MYO16: variants seen among roughly 807,000 people sequenced by gnomAD.
The protein encoded by MYO16 is unconventional myosin-XVI.
In MYO16, 94 loss-of-function variants were observed where a neutral mutation model predicts 205.3. The ratio of observed to expected loss-of-function variants is 0.46; its 90% CI spans 0.39 to 0.54. The LOEUF is 0.54. MYO16 is among the 20% of genes least tolerant of loss of function. MYO16 has a pLI of 0.00. For missense variants in MYO16, 2,315 were observed against 2,387.5 expected (o/e 0.97, Z 0.63); for synonymous variants, 988 against 954.0 (o/e 1.04, Z -0.66).
rs566374980 is a variant in MYO16 at position 108,773,106 on chromosome 13, C to T, written c.508-12529C>T. 9.9e-5 allele frequency among the ~76,000 whole-genome samples: 15 copies of T among 152,210 alleles called. No individual in the cohort carries two copies. In the South Asian group the frequency reaches 2.9e-3, roughly 30 times the overall value. On this transcript the variant is annotated intron_variant, in intron 4 of 34. Transcript: ENST00000457511. ...TACATGGTAGAAAAGGCGAGGGAGC[C>T]GTTTAGGGTCTCTTTTATAAAGGCA... is the stretch of plus-strand genomic sequence containing the variant.
intron 1 of MYO16, among the ~76,000 whole-genome samples, chr13:108,599,825 G>A (rs1156433786): frequency 3.3e-5 from 5 of 152,102 alleles, no homozygotes; most frequent in Admixed American, 6.6e-5. Context: ...GAGAGAGTTC[G>A]GACATGAAAT....
intron 1 of MYO16, among the ~76,000 whole-genome samples, chr13:108,649,433 T>C (rs764437521): frequency 1.3e-5 from 2 of 152,116 alleles, no homozygotes; most frequent in Non-Finnish European, 2.9e-5. Flanking sequence ...GTGACAGATA[T>C]GAGGTGCTTC....
chr13:108,928,116 C>A (rs1882091340), intron 16 of MYO16, among the ~76,000 whole-genome samples: 1 of 152,162 alleles, frequency 6.6e-6, no homozygotes, highest in African/African-American at 2.4e-5. Flanking sequence ...TGGGGCTTTT[C>A]TCCTTTCTCT....
chr13:108,498,432 C>T, the MYO16 span, among the ~76,000 whole-genome samples: 49 of 152,198 alleles, frequency 3.2e-4, no homozygotes, highest in South Asian at 1.2e-3. Context: ...ATTACTTTCT[C>T]CTGAGAAAAG....
At chr13:109,021,000 C>T (rs941368105) in intron 23 of MYO16, among the ~76,000 whole-genome samples, 4 of 151,998 alleles carry the variant, frequency 2.6e-5, no homozygotes, top group South Asian at 2.1e-4. Flanking sequence ...GTATATATTA[C>T]GATAGGGAAG....
intron 2 of MYO16, among the ~76,000 whole-genome samples, chr13:108,674,745 A>G (rs1012530840): frequency 6.6e-6 from 1 of 152,174 alleles, no homozygotes; most frequent in Non-Finnish European, 1.5e-5. Context: ...TATTTCTCCA[A>G]CTCAAAATTA....
At chr13:108,974,097 C>T (rs1218064134) in intron 20 of MYO16, among the ~76,000 whole-genome samples, 1 of 152,146 alleles carries the variant, frequency 6.6e-6, no homozygotes, top group African/African-American at 2.4e-5. Context: ...GGCTTACGTT[C>T]TCATTTCCTA....
chr13:108,759,214 C>T (rs1296120715), intron 4 of MYO16, among the ~76,000 whole-genome samples: 1 of 151,838 alleles, frequency 6.6e-6, no homozygotes, highest in Admixed American at 6.6e-5. Flanking sequence ...ACTTTAAGAA[C>T]TGTATAACTA....
At chr13:109,132,898 G>A (rs1446049659) in intron 31 of MYO16, among the ~76,000 whole-genome samples, 1 of 152,156 alleles carries the variant, frequency 6.6e-6, no homozygotes, top group African/African-American at 2.4e-5. Flanking sequence ...AATTATAGGG[G>A]AAGCACAACC....
intron 34 of MYO16, among the ~76,000 whole-genome samples, chr13:109,192,203 T>C (rs1468696874): frequency 1.3e-5 from 2 of 152,222 alleles, no homozygotes; most frequent in East Asian, 1.9e-4. Flanking sequence ...AGCTGTGATA[T>C]TGGAAAGAAG....
intron 20 of MYO16, among the ~76,000 whole-genome samples, chr13:108,968,378 C>T (rs111565141): frequency 0.012 from 1,842 of 152,202 alleles, 35 homozygotes; most frequent in African/African-American, 0.043. Context: ...GGGAGGCCAA[C>T]GCGGGTGGAT....
In MYO16 at chr13:109,139,419, T is replaced by G. The variant is rs1028061040; in HGVS notation, c.4052-845T>G. Among the ~76,000 whole-genome samples the G allele has an allele frequency of 2.0e-5, 3 of 152,284 alleles. No homozygotes were observed. The East Asian group carries it at 5.8e-4, about 29-fold the overall frequency. On this transcript the variant is annotated intron_variant, in intron 31 of 34. Transcript: ENST00000457511. ...CTGTTAGGTCCTAAGAATCCACACC[T>G]AAGTGTGTTCCACCACCTGATCCCT...
intron 1 of MYO16, among the ~76,000 whole-genome samples, chr13:108,658,472 T>C (rs1392530661): frequency 2.0e-5 from 3 of 150,608 alleles, no homozygotes; most frequent in Non-Finnish European, 4.4e-5. Context: ...TCTAAATTCA[T>C]GTGCCAGATA....
intron 2 of MYO16, among the ~76,000 whole-genome samples, chr13:108,670,361 AGGATGGTTTTTAAT>A (rs1159956262): frequency 1.3e-5 from 2 of 152,188 alleles, no homozygotes; most frequent in Admixed American, 6.5e-5. Flanking sequence ...ATATGGGGCC[AGGATGGTTTTTAAT>A]GGTGCCTAGG....
chr13:108,655,743 G>A (rs566700839), intron 1 of MYO16, among the ~76,000 whole-genome samples: 22 of 152,278 alleles, frequency 1.4e-4, no homozygotes, highest in Admixed American at 1.4e-3. Flanking sequence ...CCTACCTCTT[G>A]CATCAATGTG....
the MYO16 span, among the ~76,000 whole-genome samples, chr13:108,548,017 G>A: frequency 3.9e-5 from 6 of 152,228 alleles, no homozygotes; most frequent in East Asian, 1.9e-4. Context: ...AATACAAGGT[G>A]TTGGGAAAGT....
At chr13:109,166,891 A>G (rs994391050) in intron 33 of MYO16, 1 of 152,250 alleles carries the variant, frequency 6.6e-6, no homozygotes, top group Non-Finnish European at 1.5e-5. Context: ...TGGGCCAGGA[A>G]GCTGTGTGTG....
chr13:108,670,962 G>C (rs1372515686), intron 2 of MYO16, among the ~76,000 whole-genome samples: 1 of 152,186 alleles, frequency 6.6e-6, no homozygotes, highest in East Asian at 1.9e-4. Flanking sequence ...AAATGGATAA[G>C]TGTATTATGT....
At chr13:109,035,902 A>G (rs1886699594) in intron 23 of MYO16, among the ~76,000 whole-genome samples, 1 of 152,190 alleles carries the variant, frequency 6.6e-6, no homozygotes, top group South Asian at 2.1e-4. Flanking sequence ...TTTCTCTCCA[A>G]TAAATAATGA....
Sources: allele counts gnomAD v4.1 joint callset (sites outside exome capture counted in the v4.1 genomes callset), GRCh38; gene constraint gnomAD v4.1.1; transcripts MANE v1.5; gene names NCBI Gene and HGNC (gene_info 2026-07-23, HGNC 2026-07-21).